The following ASTN2 variants were observed in gnomAD, a reference collection of about 807,000 sequenced individuals.
The protein encoded by ASTN2 is astrotactin 2, also known as astrotactin-2.
Under a neutral mutation model 139.8 loss-of-function variants are expected in ASTN2, and 54 were observed. The observed-to-expected ratio is 0.39, with a 90% CI of 0.31 to 0.48. The LOEUF is 0.48. Among genes scored for constraint, ASTN2 ranks in the 20% least tolerant of loss-of-function variants. ASTN2 has a pLI of 0.95. For synonymous variants in ASTN2, 756 were observed against 719.5 expected, an observed-to-expected ratio of 1.05 and a Z score of -0.81; for missense variants, 1,565 against 1,725.1, an observed-to-expected ratio of 0.91 and a Z score of 1.64.
Position 117,414,081 on chromosome 9 carries a change from G to C in ASTN2, c.442+416C>G, listed in dbSNP as rs977120762. ...CCCGCAACTCCGAGGCGAGAGCGAG[G>C]GGGCGGTGACGGCGGGTGGCCAGTG... On this transcript the variant is annotated intron_variant, in intron 1 of 22. Transcript: ENST00000313400. The surrounding 1 kb of genome is among the most constrained non-coding windows in gnomAD (Gnocchi z 4.2). Among the ~76,000 whole-genome samples, 1 of 152,190 alleles carries C rather than the reference G, an allele frequency of 6.6e-6. No homozygotes were observed. Among genetic ancestry groups the C allele is most frequent in the African/African-American group, 2.4e-5 (1 of 41,456 alleles).
chr9:116,521,532 C>A (rs1173730529), intron 19 of ASTN2, among the ~76,000 whole-genome samples: 1 of 152,034 alleles, frequency 6.6e-6, no homozygotes, highest in Non-Finnish European at 1.5e-5. Flanking sequence ...AGACCTGAAA[C>A]CATAAAGATT....
intron 19 of ASTN2, among the ~76,000 whole-genome samples, chr9:116,506,629 T>C (rs559156325): frequency 1.3e-5 from 2 of 152,092 alleles, no homozygotes; most frequent in East Asian, 1.9e-4. Context: ...GATTGATAAA[T>C]AGAGAGAATG....
chr9:116,920,534 T>C (rs529059439), intron 10 of ASTN2, among the ~76,000 whole-genome samples: 2 of 152,348 alleles, frequency 1.3e-5, no homozygotes, highest in South Asian at 2.1e-4. Context: ...CAGTGCCTTC[T>C]TGCCTTAATA....
chr9:116,722,895 G>A (rs564232675), intron 16 of ASTN2, among the ~76,000 whole-genome samples: 1 of 152,300 alleles, frequency 6.6e-6, no homozygotes, highest in Non-Finnish European at 1.5e-5. Context: ...GCTGGGCGCT[G>A]TGGCTTACGC....
At chr9:117,064,111 G>A (rs1827861569) in intron 5 of ASTN2, among the ~76,000 whole-genome samples, 1 of 151,940 alleles carries the variant, frequency 6.6e-6, no homozygotes, top group Admixed American at 6.6e-5. Context: ...ATAAACCGGT[G>A]TTTCCAGGAC....
At chr9:116,526,571 G>A (rs1851099844) in intron 19 of ASTN2, among the ~76,000 whole-genome samples, 1 of 150,440 alleles carries the variant, frequency 6.6e-6, no homozygotes, top group Non-Finnish European at 1.5e-5. Flanking sequence ...GCAGTGAGCT[G>A]AGATCATGCC....
At chr9:117,196,112 A>G (rs1831494373) in intron 3 of ASTN2, among the ~76,000 whole-genome samples, 2 of 152,172 alleles carry the variant, frequency 1.3e-5, no homozygotes, top group Non-Finnish European at 1.5e-5. Flanking sequence ...TCTTACTACA[A>G]TAGCTCTCAT....
At chr9:116,570,913 C>T (rs73655411) in intron 19 of ASTN2, among the ~76,000 whole-genome samples, 24,583 of 152,196 alleles carry the variant, frequency 0.16, 2,178 homozygotes, top group African/African-American at 0.22. Flanking sequence ...GGATCACTCA[C>T]ATGTTCTCCT....
At chr9:116,739,616 T>A (rs1829045841) in intron 13 of ASTN2, among the ~76,000 whole-genome samples, 1 of 152,228 alleles carries the variant, frequency 6.6e-6, no homozygotes, top group Non-Finnish European at 1.5e-5. Flanking sequence ...TAGTATCTTG[T>A]TGTTTTCCAC....
chr9:116,654,299 A>C (rs2131937040), intron 16 of ASTN2, among the ~76,000 whole-genome samples: 1 of 152,268 alleles, frequency 6.6e-6, no homozygotes, highest in Non-Finnish European at 1.5e-5. Context: ...TACAACAAAG[A>C]CTCTATAATC....
chr9:116,996,138 C>G (rs141943249), intron 7 of ASTN2, among the ~76,000 whole-genome samples: 2,616 of 152,164 alleles, frequency 0.017, 64 homozygotes, highest in African/African-American at 0.05. Context: ...GATCCTCCCA[C>G]CTTGGCCTCC....
intron 5 of ASTN2, among the ~76,000 whole-genome samples, chr9:117,078,337 C>T (rs118002231): frequency 3.9e-5 from 6 of 152,244 alleles, no homozygotes; most frequent in East Asian, 1.9e-4. Context: ...ACCATTATTT[C>T]GTCAGGCATC....
chr9:116,849,883 C>T (rs1416828801), intron 11 of ASTN2, among the ~76,000 whole-genome samples: 1 of 152,184 alleles, frequency 6.6e-6, no homozygotes, highest in Non-Finnish European at 1.5e-5. Flanking sequence ...AAGCATAGAG[C>T]AGCAACCATT....
intron 19 of ASTN2, among the ~76,000 whole-genome samples, chr9:116,554,583 T>A (rs1852511565): frequency 6.6e-6 from 1 of 152,216 alleles, no homozygotes; most frequent in South Asian, 2.1e-4. Context: ...TAATATGTCC[T>A]TGACACCTCT....
rs969892535 is a variant in ASTN2, at chr9:116,674,571, C to A, written c.2807-22778G>T. Among the ~76,000 whole-genome samples the A allele has an allele frequency of 3.3e-5, 5 of 152,152 alleles. No homozygotes were observed. In the South Asian group the frequency reaches 1.0e-3, roughly 31 times the overall value. On this transcript the variant is annotated intron_variant, in intron 16 of 22. Transcript: ENST00000313400. ...CTTCCCCACATTCCCTTGTTATTTG[C>A]TTTTTTGCTATCAACTAAAGGTAAA...
At chr9:116,872,250 T>C (rs1388375775) in intron 10 of ASTN2, among the ~76,000 whole-genome samples, 1 of 152,156 alleles carries the variant, frequency 6.6e-6, no homozygotes, top group Non-Finnish European at 1.5e-5. Context: ...CTCAATTTTC[T>C]CATCTGTAAA....
intron 13 of ASTN2, among the ~76,000 whole-genome samples, chr9:116,775,962 T>A (rs1254024851): frequency 6.6e-6 from 1 of 152,080 alleles, no homozygotes; most frequent in Non-Finnish European, 1.5e-5. Flanking sequence ...TTTCATGGCA[T>A]AAAGGAAAAG....
chr9:116,563,606 C>T (rs1853037197), intron 19 of ASTN2, among the ~76,000 whole-genome samples: 2 of 152,088 alleles, frequency 1.3e-5, no homozygotes, highest in South Asian at 2.1e-4. Context: ...CCAACATTGC[C>T]CTTTTCTGAC....
At chr9:116,497,906 G>A (rs1206707771) in intron 19 of ASTN2, among the ~76,000 whole-genome samples, 3 of 152,060 alleles carry the variant, frequency 2.0e-5, no homozygotes, top group East Asian at 1.9e-4. Context: ...CCAACTGTAC[G>A]ATGTGCTTCC....
Sources: allele counts gnomAD v4.1 joint callset (sites outside exome capture counted in the v4.1 genomes callset), GRCh38; gene constraint gnomAD v4.1.1; non-coding constraint Gnocchi (gnomAD v3.1); transcripts MANE v1.5; gene names NCBI Gene and HGNC (gene_info 2026-07-23, HGNC 2026-07-21).